The following FRRS1 variants were observed in gnomAD, a reference collection of about 807,000 sequenced individuals.
FRRS1 encodes ferric chelate reductase 1.
Under a neutral mutation model 70.7 loss-of-function variants are expected in FRRS1, and 51 were observed. That is an observed-to-expected ratio of 0.72 (90% confidence interval 0.58 to 0.91). The LOEUF (loss-of-function observed/expected upper bound fraction) is 0.91. FRRS1 is among the 40% of genes least tolerant of loss of function. The pLI, the probability that FRRS1 is intolerant of heterozygous loss-of-function variation, is 0.00. For synonymous variants in FRRS1, 225 were observed against 238.7 expected (o/e 0.94, Z 0.53); for missense variants, 672 against 726.0 (o/e 0.93, Z 0.86).
At chr1:99,736,766 T>C (rs1440459259) in intron 7 of FRRS1, among the ~76,000 whole-genome samples, 2 of 94,270 alleles carry the variant, frequency 2.1e-5, no homozygotes, top group Non-Finnish European at 1.9e-5. Flanking sequence ...ACTTAAAGTG[T>C]ACTAATAATA....
intron 5 of FRRS1, among the ~76,000 whole-genome samples, chr1:99,741,494 A>G (rs1235181212): frequency 6.6e-6 from 1 of 152,238 alleles, no homozygotes; most frequent in South Asian, 2.1e-4. Flanking sequence ...CCCTTAAAAT[A>G]TATGTCCATA....
chr1:99,712,337 T>G (rs913543704), intron 13 of FRRS1, 81 bp downstream of exon 13: 1 of 1,126,448 alleles, frequency 8.9e-7, no homozygotes, highest in Admixed American at 2.5e-5. Context: ...AATGCAAAAT[T>G]TTTCCATTTG....
intron 1 of FRRS1, among the ~76,000 whole-genome samples, chr1:99,753,219 A>T (rs923965734): frequency 1.5e-4 from 14 of 92,322 alleles, no homozygotes; most frequent in Non-Finnish European, 2.6e-4. Context: ...GTCTCGATTT[A>T]AAAAAAAAAA....
chr1:99,718,268 G>C (rs1557685791), intron 10 of FRRS1, among the ~76,000 whole-genome samples: 1 of 152,158 alleles, frequency 6.6e-6, no homozygotes, highest in Non-Finnish European at 1.5e-5. Context: ...AGCCAGGCTA[G>C]TTTTCAAATG....
intron 11 of FRRS1, 84 bp downstream of exon 11, chr1:99,717,326 C>T (rs1435572402): frequency 6.7e-6 from 6 of 901,348 alleles, no homozygotes; most frequent in Non-Finnish European, 1.1e-5. Context: ...AAAACGCATA[C>T]ACATACACAC....
chr1:99,721,688 G>A (rs924906157), intron 9 of FRRS1, among the ~76,000 whole-genome samples: 8 of 148,558 alleles, frequency 5.4e-5, no homozygotes, highest in East Asian at 2.1e-4. Flanking sequence ...AACCTCTGCC[G>A]CTCAGGTTCA....
chr1:99,708,626 ATATATATATATATATAT>A lies in FRRS1; in HGVS notation c.*385_*401del, dbSNP rs1481577010. 9 of 22,518 alleles carry A rather than the reference ATATATATATATATATAT, an allele frequency of 4.0e-4. No individual in the cohort carries two copies. Among genetic ancestry groups the A allele is most frequent in the African/African-American group, 6.1e-4 (4 of 6,556 alleles). 1.4% of individuals were successfully genotyped at this position (22,518 alleles called of 1,614,324 possible). A position where few individuals can be genotyped will look rare whatever the true frequency, so the allele number is the denominator to read the frequency against. ...AAAAAAAAAAAAAAAAAAAAAAAAA[ATATATATATATATATAT>A]ATATATATATATATATATATCGTAA... On this transcript the variant is annotated 3_prime_UTR_variant, in exon 17 of 17. Coordinates refer to ENST00000646001, the MANE Select transcript of FRRS1 (RefSeq NM_001361041.2).
Position 99,748,595 on chromosome 1 carries a change from G to A in FRRS1, c.174C>T (p.Phe58=). The change falls in exon 3 of 17, where the codon TTC becomes TTT. Residue 58 remains phenylalanine (F), a synonymous_variant. Transcript: ENST00000646001. ...TACCTTCAATCTGATCTCCTGGCCT[G>A]AATGTCATCTGACTCACGTAAATGT... is the stretch of plus-strand genomic sequence containing the variant. The part of the protein sequence containing the change: ...VHDIYVSQMT[F]RPGDQIEVTL... The A allele has an allele frequency of 7.4e-6, 12 of 1,613,924 alleles. No individual in the cohort carries two copies. The highest frequency in any genetic ancestry group is 1.0e-5 in the Non-Finnish European group (12 of 1,179,830).
Position 99,712,410 on chromosome 1 carries a change from C to CATG in FRRS1, c.1421+7_1421+8insCAT. The CATG allele has an allele frequency of 6.4e-7, 1 of 1,569,986 alleles. No homozygotes were observed. Among genetic ancestry groups the CATG allele is most frequent in the Non-Finnish European group, 8.7e-7 (1 of 1,147,972 alleles). ...AAGAGAGCATTTATATAGAAAGGCT[C>CATG]TAAGTACCTTGGGTCATGTAAAGGT... On this transcript the variant is annotated splice_region_variant and intron_variant, in intron 13 of 16. Coordinates refer to ENST00000646001, the MANE Select transcript of FRRS1 (RefSeq NM_001361041.2).
chr1:99,707,057 T>A lies in FRRS1; in HGVS notation c.*1971A>T, dbSNP rs1003160535. Among the ~76,000 whole-genome samples the A allele has an allele frequency of 6.6e-6, 1 of 152,062 alleles. No individual in the cohort carries two copies. Among genetic ancestry groups the A allele is most frequent in the Non-Finnish European group, 1.5e-5 (1 of 68,024 alleles). On this transcript the variant is annotated 3_prime_UTR_variant, in exon 17 of 17. Coordinates refer to ENST00000646001, the MANE Select transcript of FRRS1 (RefSeq NM_001361041.2). Reference sequence around the variant, plus strand: ...TTAATAAAGACCTTCAAAAGGAAAATTTAGATTATAAGTAGCATGGCACAT... The same window carrying A: ...TTAATAAAGACCTTCAAAAGGAAAAATTAGATTATAAGTAGCATGGCACAT...
At chr1:99,732,675 G>A (rs1655451122) in intron 7 of FRRS1, among the ~76,000 whole-genome samples, 1 of 152,058 alleles carries the variant, frequency 6.6e-6, no homozygotes, top group Non-Finnish European at 1.5e-5. Flanking sequence ...AGTTTTGCTA[G>A]CTAAAATATA....
In FRRS1 at chr1:99,738,326, A is replaced by C. The variant is rs1046403731; in HGVS notation, c.577-58T>G. On this transcript the variant is annotated intron_variant, in intron 6 of 16. Coordinates refer to ENST00000646001, the MANE Select transcript of FRRS1 (RefSeq NM_001361041.2). ...ATTATCAAACAAGCAGTTCATTGGC[A>C]ATGACAGAAGAATAACTACCTTCAA... The C allele has an allele frequency of 3.0e-6, 4 of 1,327,458 alleles. No individual in the cohort carries two copies. In the Admixed American group the frequency reaches 6.5e-5, roughly 21 times the overall value. 82.2% of individuals were successfully genotyped at this position (1,327,458 alleles called of 1,614,324 possible). A position where few individuals can be genotyped will look rare whatever the true frequency, so the allele number is the denominator to read the frequency against.
At chr1:99,754,787 T>C (rs1473898648) in intron 1 of FRRS1, among the ~76,000 whole-genome samples, 2 of 152,182 alleles carry the variant, frequency 1.3e-5, no homozygotes, top group East Asian at 1.9e-4. Flanking sequence ...AACACATATA[T>C]AGTTACGTAA....
At chr1:99,713,258 A>G (rs556976942) in intron 12 of FRRS1, among the ~76,000 whole-genome samples, 11 of 152,344 alleles carry the variant, frequency 7.2e-5, no homozygotes, top group African/African-American at 2.6e-4. Context: ...GCCCCAGGTA[A>G]TAAGTCATGG....
At chr1:99,765,405 C>G (rs1657305746) in intron 1 of FRRS1, 1 of 149,674 alleles carries the variant, frequency 6.7e-6, no homozygotes, top group Non-Finnish European at 1.5e-5. Flanking sequence ...AGTTCGAAAC[C>G]AGACTGACCA....
chr1:99,727,336 A>G, intron 9 of FRRS1, among the ~76,000 whole-genome samples: 1 of 152,236 alleles, frequency 6.6e-6, no homozygotes, highest in Non-Finnish European at 1.5e-5. Context: ...AATTATTTTC[A>G]AGCCATATTT....
chr1:99,729,456 T>G (rs1210006378), intron 8 of FRRS1, among the ~76,000 whole-genome samples, 194 bp downstream of exon 8: 1 of 152,238 alleles, frequency 6.6e-6, no homozygotes, highest in East Asian at 1.9e-4. Context: ...CATCTTTTCC[T>G]ACAACAGAAA....
rs528592192 is a variant in FRRS1, at chr1:99,729,498, C to T, written c.858+152G>A. On this transcript the variant is annotated intron_variant, in intron 8 of 16. Transcript: ENST00000646001. ...AAGTGTAGAAAAGTTTCTCAGAAAT[C>T]ATTATGAGAGGAGCCCTGCTGGCAG... The T allele has an allele frequency of 7.5e-5, 40 of 533,140 alleles. No individual in the cohort carries two copies. The South Asian group carries it at 9.2e-4, about 12-fold the overall frequency. The allele number at this position is 533,140 out of a possible 1,614,324, so 33.0% of individuals were successfully genotyped here. A position where few individuals can be genotyped will look rare whatever the true frequency, so the allele number is the denominator to read the frequency against.
chr1:99,764,178 T>TA (rs1261505242), intron 1 of FRRS1, among the ~76,000 whole-genome samples: 3 of 152,156 alleles, frequency 2.0e-5, no homozygotes, highest in Non-Finnish European at 4.4e-5. Flanking sequence ...GTTAAGAAGA[T>TA]ACATGCTCAT....
Sources: gnomAD v4.1 joint callset for allele counts (sites outside exome capture counted in the v4.1 genomes callset) on GRCh38, gnomAD v4.1.1 for gene constraint, MANE v1.5 for transcripts, NCBI Gene and HGNC (gene_info 2026-07-23, HGNC 2026-07-21) for gene names.